Variants in ATP9A observed in about 807,000 individuals in gnomAD.
The protein encoded by ATP9A is probable phospholipid-transporting ATPase IIA.
ATP9A carries 52 observed loss-of-function variants against 144.1 expected under a neutral mutation model. The ratio of observed to expected loss-of-function variants is 0.36; its 90% CI spans 0.29 to 0.45. The LOEUF is 0.45. ATP9A is among the 20% of genes least tolerant of loss of function. The pLI, the probability that ATP9A is intolerant of heterozygous loss-of-function variation, is 1.00. For synonymous variants in ATP9A, 582 were observed against 557.4 expected (o/e 1.04, Z -0.62); for missense variants, 947 against 1,392.7 (o/e 0.68, Z 5.09).
chr20:51,730,886 C>T (rs922720871), intron 1 of ATP9A, among the ~76,000 whole-genome samples: 3 of 152,178 alleles, frequency 2.0e-5, no homozygotes, highest in East Asian at 1.9e-4. Flanking sequence ...AAGTAAGATT[C>T]GGCCAGCCAT....
At chr20:51,747,484 G>T (rs1385285664) in intron 1 of ATP9A, among the ~76,000 whole-genome samples, 1 of 152,126 alleles carries the variant, frequency 6.6e-6, no homozygotes, top group East Asian at 1.9e-4. Context: ...ACACTCCAGG[G>T]AAAGATCCAG....
rs190957716 is a variant in ATP9A at position 51,741,086 on chromosome 20, T to C, written c.69-11108A>G. On this transcript the variant is annotated intron_variant, in intron 1 of 27. Transcript: ENST00000338821. ...TAATTAATTAAAAATTAAAAATTCCTTTTCCCTGGCCACACTGAGTGCTCC... is the reference window on the plus strand; with the variant it reads ...TAATTAATTAAAAATTAAAAATTCCCTTTCCCTGGCCACACTGAGTGCTCC... Among the ~76,000 whole-genome samples the C allele has an allele frequency of 1.1e-3, 165 of 152,218 alleles. 3 individuals are homozygous for C. In the Middle Eastern group the frequency reaches 0.014, roughly 13 times the overall value.
intron 15 of ATP9A, among the ~76,000 whole-genome samples, chr20:51,637,845 T>C (rs1027529840): frequency 1.3e-4 from 19 of 151,260 alleles, no homozygotes; most frequent in African/African-American, 4.6e-4. Flanking sequence ...CTTTTATCCC[T>C]CACCGTCCTC....
intron 9 of ATP9A, among the ~76,000 whole-genome samples, chr20:51,682,888 C>CA (rs112643789): frequency 8.7e-5 from 13 of 149,158 alleles, no homozygotes; most frequent in African/African-American, 3.2e-4. Flanking sequence ...TCACCGCATT[C>CA]AAGACCAGCC....
rs139635577 is a variant in ATP9A at position 51,611,877 on chromosome 20, A to C, written c.2572-1712T>G. Among the ~76,000 whole-genome samples, 684 of 152,350 alleles carry C rather than the reference A, an allele frequency of 4.5e-3. 3 individuals are homozygous for C. The highest frequency in any genetic ancestry group is 0.016 in the African/African-American group (663 of 41,580). ...AGGCTCCCCTACTCACAATTGCAATAGATATTTAAAACATAAAATCACCCC... is the reference window on the plus strand; with the variant it reads ...AGGCTCCCCTACTCACAATTGCAATCGATATTTAAAACATAAAATCACCCC... On this transcript the variant is annotated intron_variant, in intron 23 of 27. Transcript: ENST00000338821. The surrounding 1 kb of genome is among the most constrained non-coding windows in gnomAD (Gnocchi z 4.2).
intron 13 of ATP9A, among the ~76,000 whole-genome samples, chr20:51,669,329 T>C (rs2077446379): frequency 6.6e-6 from 1 of 152,180 alleles, no homozygotes; most frequent in Admixed American, 6.5e-5. Flanking sequence ...AATATTAGGA[T>C]ATTTGCCAGT....
intron 2 of ATP9A, among the ~76,000 whole-genome samples, chr20:51,727,289 T>C (rs1458528275): frequency 6.9e-6 from 1 of 145,122 alleles, no homozygotes; most frequent in Non-Finnish European, 1.5e-5. Context: ...AAAAAAAAAG[T>C]TACGTCCACA....
intron 19 of ATP9A, among the ~76,000 whole-genome samples, chr20:51,620,763 A>G (rs1446228584): frequency 1.3e-5 from 2 of 152,030 alleles, no homozygotes; most frequent in Non-Finnish European, 2.9e-5. Flanking sequence ...CAAAAACGAC[A>G]CTGGTTCGTC....
Position 51,694,007 on chromosome 20 carries a change from C to T in ATP9A, c.642+1G>A. 5 of 1,612,546 alleles carry T rather than the reference C, an allele frequency of 3.1e-6. No homozygotes were observed. The highest frequency in any genetic ancestry group is 4.2e-6 in the Non-Finnish European group (5 of 1,179,150). On this transcript the variant is annotated splice_donor_variant, in intron 7 of 27. Coordinates refer to ENST00000338821, the MANE Select transcript of ATP9A (RefSeq NM_006045.3). LOFTEE classifies it high-confidence loss of function. Reference sequence around the variant, plus strand: ...GGGCTTCTGCAGGGAAAGCTACTCACGGCGGCCGTGGGGAGCCTCTGCGTG... The same window carrying T: ...GGGCTTCTGCAGGGAAAGCTACTCATGGCGGCCGTGGGGAGCCTCTGCGTG...
chr20:51,601,632 T>G (rs2077143595), intron 27 of ATP9A, among the ~76,000 whole-genome samples: 1 of 152,212 alleles, frequency 6.6e-6, no homozygotes, highest in African/African-American at 2.4e-5. Context: ...GGCCACCAGA[T>G]GCAGTGGCTC....
At chr20:51,742,250 G>A (rs772514118) in intron 1 of ATP9A, among the ~76,000 whole-genome samples, 11 of 151,712 alleles carry the variant, frequency 7.3e-5, no homozygotes, top group African/African-American at 1.5e-4. Context: ...GCTTGAGCCC[G>A]GGAAGTCGAG....
At chr20:51,750,669 T>G (rs1458632388) in intron 1 of ATP9A, among the ~76,000 whole-genome samples, 1 of 152,164 alleles carries the variant, frequency 6.6e-6, no homozygotes, top group African/African-American at 2.4e-5. Flanking sequence ...CTCTTGTAGA[T>G]GAGGACACTG....
chr20:51,713,021 G>A lies in ATP9A; in HGVS notation c.381C>T (p.Cys127=), dbSNP rs1247519919. ...VIREAVEEIR[C]YVRDKEVNSQ... ...AGTTGACTTCCTTGTCCCGCACGTAGCATCGGATCTCCTCCACCGCCTCAC... is the reference window on the plus strand; with the variant it reads ...AGTTGACTTCCTTGTCCCGCACGTAACATCGGATCTCCTCCACCGCCTCAC... The change falls in exon 4 of 28, where the codon TGC becomes TGT. Residue 127 remains cysteine (C), a synonymous_variant. Transcript: ENST00000338821. 2 of 1,613,358 alleles carry A rather than the reference G, an allele frequency of 1.2e-6. No homozygotes were observed. Among genetic ancestry groups the A allele is most frequent in the Non-Finnish European group, 1.7e-6 (2 of 1,179,740 alleles).
At chr20:51,661,669 C>T (rs6013242) in intron 13 of ATP9A, among the ~76,000 whole-genome samples, 36,727 of 151,562 alleles carry the variant, frequency 0.24, 4,816 homozygotes, top group Non-Finnish European at 0.28. Context: ...CTGCACCCAG[C>T]CAGAAATACA....
chr20:51,726,104 A>G (rs1240667150), intron 2 of ATP9A, among the ~76,000 whole-genome samples, 172 bp from the exon 3 acceptor site: 1 of 152,032 alleles, frequency 6.6e-6, no homozygotes, highest in African/African-American at 2.4e-5. Flanking sequence ...ACCTGAGGTC[A>G]GGATTCGAGA....
chr20:51,690,732 CACTT>C lies in ATP9A; in HGVS notation c.723+3_723+6del. 1 of 1,611,136 alleles carries C rather than the reference CACTT, an allele frequency of 6.2e-7. No homozygotes were observed. Among genetic ancestry groups the C allele is most frequent in the Non-Finnish European group, 8.5e-7 (1 of 1,177,290 alleles). ...GACAGGATCCCATGTGAAGGAAGCT[CACTT>C]ACTCGGGTAAAAGTTCCCACGAAGT... On this transcript the variant is annotated splice_donor_5th_base_variant and intron_variant, in intron 8 of 27. Coordinates refer to ENST00000338821, the MANE Select transcript of ATP9A (RefSeq NM_006045.3).
intron 27 of ATP9A, among the ~76,000 whole-genome samples, chr20:51,602,299 G>A (rs1740592659): frequency 6.6e-6 from 1 of 152,180 alleles, no homozygotes; most frequent in Non-Finnish European, 1.5e-5. Flanking sequence ...TCCACTTTCT[G>A]AGCACAGGAT....
intron 1 of ATP9A, among the ~76,000 whole-genome samples, chr20:51,752,737 C>G (rs1225872051): frequency 6.6e-6 from 1 of 152,100 alleles, no homozygotes. Flanking sequence ...CTTCTCAGGC[C>G]CCGGGCAGGA....
Position 51,633,056 on chromosome 20 carries a change from G to A in ATP9A, c.1669-3984C>T, listed in dbSNP as rs573431981. On this transcript the variant is annotated intron_variant, in intron 15 of 27. Coordinates refer to ENST00000338821, the MANE Select transcript of ATP9A (RefSeq NM_006045.3). ...GGAGAATCACTTGAACCCAGGAGGC[G>A]GAGGTTGCAGTGAGCTGAGATTGCA... Among the ~76,000 whole-genome samples the A allele has an allele frequency of 7.2e-5, 11 of 152,192 alleles. No individual in the cohort carries two copies. In the South Asian group the frequency reaches 8.3e-4, roughly 11 times the overall value.
Sources: allele counts gnomAD v4.1 joint callset (sites outside exome capture counted in the v4.1 genomes callset), GRCh38; gene constraint gnomAD v4.1.1; non-coding constraint Gnocchi (gnomAD v3.1); transcripts MANE v1.5; gene names NCBI Gene and HGNC (gene_info 2026-07-23, HGNC 2026-07-21).